NAGA: variants seen among roughly 807,000 people sequenced by gnomAD.
The protein encoded by NAGA is alpha-N-acetylgalactosaminidase.
In NAGA, 42 loss-of-function variants were observed where a neutral mutation model predicts 45.6. That is an observed-to-expected ratio of 0.92 (90% CI 0.72 to 1.19). The LOEUF (loss-of-function observed/expected upper bound fraction) is 1.19, where lower values mean the gene tolerates loss of function less well. Among genes scored for constraint, NAGA ranks in the 50% most tolerant of loss-of-function variants. The probability of loss-of-function intolerance (pLI) is 0.00; values close to 1 mark genes in which losing one functional copy is unlikely to be tolerated. For synonymous variants in NAGA, 176 were observed against 203.1 expected (o/e 0.87, Z 1.13); for missense variants, 493 against 544.8 (o/e 0.90, Z 0.95).
At position 42,067,843 on chromosome 22, in the gene NAGA, G is replaced by A. The variant is rs372626291; in HGVS notation, c.246C>T (p.Ile82=). ...GGCGGCCACTGGCATCGCGACCACC[G>A]ATCCAGCAGTCATCAATGTTGAGGT... ...YTYLNIDDCW[I]GGRDASGRLM... Residue 82 remains isoleucine (I), a synonymous_variant, in exon 3 of 9, where the codon ATC becomes ATT. Coordinates refer to ENST00000396398, the MANE Select transcript of NAGA (RefSeq NM_000262.3). The A allele has an allele frequency of 1.1e-5, 17 of 1,612,932 alleles. No homozygotes were observed. The highest frequency in any genetic ancestry group is 4.0e-5 in the African/African-American group (3 of 75,030).
chr22:42,062,045 C>A (rs975432886), intron 7 of NAGA, among the ~76,000 whole-genome samples: 1 of 151,574 alleles, frequency 6.6e-6, no homozygotes, highest in Non-Finnish European at 1.5e-5. Flanking sequence ...TACTCAGACT[C>A]TCGAAGTTTC....
rs1927006195 is a variant in NAGA, at chr22:42,070,772, C to T, written c.-475G>A. The stretch of plus-strand genomic sequence containing the variant: ...ACCGCACTTATCCTACCGAAGCGTT[C>T]AGACCTGCCGCCGCTTCTGACTCGA... On this transcript the variant is annotated 5_prime_UTR_variant, in exon 1 of 9. Transcript: ENST00000396398. 4.0e-6 allele frequency: 1 copy of T among 248,646 alleles called. No homozygotes were observed. The highest frequency in any genetic ancestry group is 2.2e-5 in the African/African-American group (1 of 44,554). The allele number at this position is 248,646 out of a possible 1,614,324, so 15.4% of individuals were successfully genotyped here. A position where few individuals can be genotyped will look rare whatever the true frequency, so the allele number is the denominator to read the frequency against.
At position 42,067,686 on chromosome 22, in the gene NAGA, G is replaced by C. The variant is rs568075408; in HGVS notation, c.324+79C>G. 1.0e-5 allele frequency: 13 copies of C among 1,274,344 alleles called. 1 individual carries two copies. The highest frequency in any genetic ancestry group is 4.6e-4 in the Middle Eastern group (2 of 4,378). The allele number at this position is 1,274,344 out of a possible 1,614,324, so 78.9% of individuals were successfully genotyped here. ...CACTAGACTGTGAGATCTCAATCAT[G>C]TAAGTGAGCCCTAAGCGAGGTAGGG... is the stretch of plus-strand genomic sequence containing the variant. On this transcript the variant is annotated intron_variant, in intron 3 of 8. Transcript: ENST00000396398.
chr22:42,062,554 C>T (rs1926466682), intron 7 of NAGA, among the ~76,000 whole-genome samples: 1 of 152,188 alleles, frequency 6.6e-6, no homozygotes, highest in African/African-American at 2.4e-5. Context: ...CTGTGCCTCA[C>T]CCTTGCTATG....
At chr22:42,063,096 T>C in intron 6 of NAGA, 72 bp from the exon 7 acceptor site, 3 of 1,476,384 alleles carry the variant, frequency 2.0e-6, no homozygotes, top group Non-Finnish European at 2.8e-6. Flanking sequence ...ATCCCCAAAC[T>C]TGTAGCCGAG....
At position 42,059,062 on chromosome 22, in the gene NAGA, C is replaced by G. The variant is rs571873137; in HGVS notation, c.*1217G>C. 3 of 152,358 alleles carry G rather than the reference C, an allele frequency of 2.0e-5. No homozygotes were observed. In the South Asian group the frequency reaches 6.2e-4, roughly 32 times the overall value. The allele number at this position is 152,358 out of a possible 1,614,324, so 9.4% of individuals were successfully genotyped here. A position where few individuals can be genotyped will look rare whatever the true frequency, so the allele number is the denominator to read the frequency against. ...CAGAACCCTGAGGAGTATGGGAGAT[C>G]CACCCAGAAAATACTCCTTGGGCAG... On this transcript the variant is annotated 3_prime_UTR_variant, in exon 9 of 9. Transcript: ENST00000396398.
At chr22:42,070,232 T>C (rs550800483) in intron 1 of NAGA, 50 bp downstream of exon 1, 1 of 1,610,146 alleles carries the variant, frequency 6.2e-7, no homozygotes, top group African/African-American at 1.3e-5. Context: ...AAAGCACTCC[T>C]TGTAGCACTC....
rs745533634 is a variant in NAGA at position 42,060,930 on chromosome 22, T to C, written c.1095A>G (p.Ile365Met). Residue 365 changes from isoleucine (I) to methionine (M), a missense_variant, in exon 8 of 9, where the codon ATA becomes ATG. Coordinates refer to ENST00000396398, the MANE Select transcript of NAGA (RefSeq NM_000262.3). ...LGQLNFTGSVIYEAQDVYSGD... is the reference protein window; with the variant it reads ...LGQLNFTGSVMYEAQDVYSGD... ...CAGGCAGCCGGGTGCTCACCTCATA[T>C]ATCACAGACCCGGTGAAGTTCAGCT... 2.3e-5 allele frequency: 37 copies of C among 1,614,026 alleles called. No homozygotes were observed. Among genetic ancestry groups the C allele is most frequent in the Admixed American group, 3.3e-5 (2 of 60,004 alleles).
At position 42,063,528 on chromosome 22, in the gene NAGA, A is replaced by G. The variant is rs563032620; in HGVS notation, c.760-504T>C. ...ATAACATCAACCCCTGACCTAAACTACTTGTGTTATCTGCAAATTCCAGAT... is the reference window on the plus strand; with the variant it reads ...ATAACATCAACCCCTGACCTAAACTGCTTGTGTTATCTGCAAATTCCAGAT... On this transcript the variant is annotated intron_variant, in intron 6 of 8. Transcript: ENST00000396398. Among the ~76,000 whole-genome samples the G allele has an allele frequency of 9.2e-5, 14 of 152,302 alleles. 1 individual carries two copies. In the South Asian group the frequency reaches 2.9e-3, roughly 32 times the overall value.
chr22:42,060,131 T>G lies in NAGA; in HGVS notation c.*148A>C. ...TTACGCTTGGACAGGGCATAGAACC[T>G]GGCCGTGAGATTGCACTTTGGGTAT... On this transcript the variant is annotated 3_prime_UTR_variant, in exon 9 of 9. Coordinates refer to ENST00000396398, the MANE Select transcript of NAGA (RefSeq NM_000262.3). 1 of 1,075,162 alleles carries G rather than the reference T, an allele frequency of 9.3e-7. No homozygotes were observed. The highest frequency in any genetic ancestry group is 1.4e-6 in the Non-Finnish European group (1 of 714,084). The allele number at this position is 1,075,162 out of a possible 1,614,324, so 66.6% of individuals were successfully genotyped here.
chr22:42,062,634 C>T (rs1926473225), intron 7 of NAGA, among the ~76,000 whole-genome samples, 193 bp downstream of exon 7: 1 of 152,202 alleles, frequency 6.6e-6, no homozygotes, highest in Non-Finnish European at 1.5e-5. Context: ...TGCTCTCACC[C>T]AGCAAGAGGA....
At chr22:42,066,532 C>T (rs1304416207) in intron 5 of NAGA, among the ~76,000 whole-genome samples, 178 bp downstream of exon 5, 1 of 152,228 alleles carries the variant, frequency 6.6e-6, no homozygotes, top group East Asian at 1.9e-4. Flanking sequence ...CTGGCTGAGC[C>T]CACCTGCTCT....
At chr22:42,065,984 C>T (rs1926705717) in intron 5 of NAGA, 85 bp from the exon 6 acceptor site, 1 of 1,510,888 alleles carries the variant, frequency 6.6e-7, no homozygotes, top group Non-Finnish European at 9.0e-7. Flanking sequence ...GGAGGCTCAG[C>T]AGGAGAGACA....
chr22:42,063,540 T>G (rs1926533900), intron 6 of NAGA, among the ~76,000 whole-genome samples: 1 of 152,264 alleles, frequency 6.6e-6, no homozygotes, highest in Non-Finnish European at 1.5e-5. Flanking sequence ...TTGTGTTATC[T>G]GCAAATTCCA....
In NAGA at chr22:42,070,392, G is replaced by A; in HGVS notation, c.-95C>T. On this transcript the variant is annotated 5_prime_UTR_variant, in exon 1 of 9. Coordinates refer to ENST00000396398, the MANE Select transcript of NAGA (RefSeq NM_000262.3). ...CTGGAAGCTAAGAAACGTCTGAAAA[G>A]CACTGGGGTCACGGCTGCCTGGCTA... 2.7e-6 allele frequency: 4 copies of A among 1,490,834 alleles called. No individual in the cohort carries two copies. The highest frequency in any genetic ancestry group is 2.3e-5 in the South Asian group (2 of 88,726). The allele number at this position is 1,490,834 out of a possible 1,614,324, so 92.4% of individuals were successfully genotyped here. A position where few individuals can be genotyped will look rare whatever the true frequency, so the allele number is the denominator to read the frequency against.
rs1185302787 is a variant in NAGA at position 42,067,916 on chromosome 22, A to G, written c.173T>C (p.Met58Thr). ...NCISEQLFME[M>T]ADRMAQDGWR... ...TCCATCCTGTGCCATCCGGTCAGCC[A>G]TCTCCATGAAGAGCTGTTCACTAGT... Residue 58 changes from methionine to threonine, a missense_variant, in exon 3 of 9, where the codon ATG (methionine) becomes ACG (threonine). Transcript: ENST00000396398. 3.7e-6 allele frequency: 6 copies of G among 1,613,662 alleles called. No homozygotes were observed. Among genetic ancestry groups the G allele is most frequent in the Non-Finnish European group, 5.1e-6 (6 of 1,179,970 alleles).
At chr22:42,062,757 G>T in intron 7 of NAGA, 70 bp downstream of exon 7, 1 of 1,554,384 alleles carries the variant, frequency 6.4e-7, no homozygotes, top group Middle Eastern at 1.7e-4. Context: ...CCCCAGGGAG[G>T]CTGGCAGCCT....
chr22:42,063,328 G>C (rs1926521557), intron 6 of NAGA, among the ~76,000 whole-genome samples: 1 of 152,222 alleles, frequency 6.6e-6, no homozygotes, highest in East Asian at 1.9e-4. Context: ...GGGAGGCTGA[G>C]GTAAGGAAGG....
intron 8 of NAGA, 128 bp from the exon 9 acceptor site, chr22:42,060,541 A>T: frequency 7.5e-7 from 1 of 1,331,968 alleles, no homozygotes; most frequent in Middle Eastern, 2.6e-4. Flanking sequence ...AGTATGCCCT[A>T]CAGAAGTGGG....
Sources: gnomAD v4.1 joint callset for allele counts (sites outside exome capture counted in the v4.1 genomes callset) on GRCh38, gnomAD v4.1.1 for gene constraint, MANE v1.5 for transcripts, NCBI Gene and HGNC (gene_info 2026-07-23, HGNC 2026-07-21) for gene names.